The following MID1 variants were observed in gnomAD, a reference collection of about 807,000 sequenced individuals.
MID1 encodes midline 1.
A neutral mutation model predicts 40.4 loss-of-function variants in MID1; 7 were observed. The observed-to-expected ratio is 0.17, with a 90% CI of 0.10 to 0.33. The LOEUF is 0.33. Ranked by LOEUF, MID1 falls within the 10% of genes least tolerant of loss-of-function variation. The pLI is 1.00. For synonymous variants in MID1, 229 were observed against 221.2 expected (o/e 1.04, Z -0.31); for missense variants, 367 against 558.5 (o/e 0.66, Z 3.46).
At chrX:10,517,594 T>G (rs960415224) in intron 3 of MID1, among the ~76,000 whole-genome samples, 3 of 112,668 alleles carry the variant, frequency 2.7e-5, no homozygotes, top group Non-Finnish European at 5.6e-5. Flanking sequence ...CAAATTCAGA[T>G]GCAACACGAA....
chrX:10,576,902 G>C (rs192116104), intron 1 of MID1: 1 of 108,395 alleles, frequency 9.2e-6, no homozygotes, highest in South Asian at 4.2e-4. Context: ...GTGCTGGAGC[G>C]GTCCTGTGTG....
intron 1 of MID1, among the ~76,000 whole-genome samples, chrX:10,738,119 A>G (rs1357874560): frequency 1.8e-5 from 2 of 111,717 alleles, no homozygotes; most frequent in African/African-American, 6.5e-5. Flanking sequence ...TCAGACAGTT[A>G]GCGGTCATCC....
At chrX:10,672,379 G>A (rs1354456506) in intron 1 of MID1, among the ~76,000 whole-genome samples, 2 of 111,741 alleles carry the variant, frequency 1.8e-5, no homozygotes, top group East Asian at 5.6e-4. Context: ...CACATCCTTC[G>A]ACATCCTTCA....
At chrX:10,579,292 G>A (rs1284951886) in intron 1 of MID1, among the ~76,000 whole-genome samples, 1 of 111,856 alleles carries the variant, frequency 8.9e-6, no homozygotes, top group Non-Finnish European at 1.9e-5. Flanking sequence ...ATTGTGCCCT[G>A]GAGAAAAGCT....
intron 1 of MID1, among the ~76,000 whole-genome samples, chrX:10,684,583 T>C (rs1403832714): frequency 9.3e-6 from 1 of 107,092 alleles, no homozygotes; most frequent in South Asian, 4.2e-4. Flanking sequence ...TTTTTTTGTA[T>C]TTTTTTTAGT....
At position 10,561,429 on chromosome X, in the gene MID1, A is replaced by G. The variant is rs747895151; in HGVS notation, c.660+5459T>C. Among the ~76,000 whole-genome samples, 102 of 106,715 alleles carry G rather than the reference A, an allele frequency of 9.6e-4. 15 individuals are homozygous for G. The highest frequency in any genetic ancestry group is 3.5e-3 in the African/African-American group (93 of 26,670). The allele number at this position is 106,715 out of a possible 115,157, so 92.7% of individuals were successfully genotyped here. On this transcript the variant is annotated intron_variant, in intron 2 of 9. Transcript: ENST00000317552. ...AAGAAACTACCATCAGAGTGAACAG[A>G]CAACCTACAGAATGGGAGAAAAATT...
intron 1 of MID1, among the ~76,000 whole-genome samples, chrX:10,780,601 G>C (rs1443561303): frequency 8.9e-6 from 1 of 112,047 alleles, no homozygotes; most frequent in Non-Finnish European, 1.9e-5. Context: ...TTTCAGCCAG[G>C]AGTATATTTT....
At chrX:10,773,540 C>T (rs1449536120) in intron 1 of MID1, among the ~76,000 whole-genome samples, 1 of 112,610 alleles carries the variant, frequency 8.9e-6, no homozygotes, top group Non-Finnish European at 1.9e-5. Flanking sequence ...ACATATTTTT[C>T]ACTAGAACTG....
intron 1 of MID1, among the ~76,000 whole-genome samples, chrX:10,617,826 CCG>C: frequency 8.9e-6 from 1 of 112,183 alleles, no homozygotes; most frequent in Middle Eastern, 4.6e-3. Context: ...TAAAAGTTTC[CCG>C]TTTATGATCA....
At chrX:10,763,500 C>A (rs1247228748) in intron 1 of MID1, among the ~76,000 whole-genome samples, 52 of 111,400 alleles carry the variant, frequency 4.7e-4, no homozygotes, top group African/African-American at 1.7e-3. Context: ...TGAACTCATC[C>A]TTTCTTATGG....
chrX:10,565,231 T>C (rs1052988143), intron 2 of MID1: 6 of 329,573 alleles, frequency 1.8e-5, no homozygotes, highest in African/African-American at 1.6e-4. Context: ...TTCCTCTACA[T>C]GGTTTAAAGA....
chrX:10,568,505 T>C (rs747318152), intron 1 of MID1, among the ~76,000 whole-genome samples: 2 of 111,344 alleles, frequency 1.8e-5, no homozygotes, highest in East Asian at 5.7e-4. Flanking sequence ...GAGAAAGCAA[T>C]TTAAGGAGGC....
intron 1 of MID1, among the ~76,000 whole-genome samples, chrX:10,817,050 C>T (rs1343891509): frequency 2.7e-5 from 3 of 112,005 alleles, no homozygotes; most frequent in Non-Finnish European, 5.6e-5. Context: ...TGATGTTGAA[C>T]TTTTAGGTGT....
At chrX:10,778,029 C>T (rs532853136) in intron 1 of MID1, among the ~76,000 whole-genome samples, 152 of 111,469 alleles carry the variant, frequency 1.4e-3, no homozygotes, top group African/African-American at 4.9e-3. Context: ...GGCTGTTTTA[C>T]AGTTAACTTT....
chrX:10,708,620 C>T (rs1014771973), intron 1 of MID1, among the ~76,000 whole-genome samples: 5 of 111,541 alleles, frequency 4.5e-5, no homozygotes, highest in African/African-American at 1.6e-4. Flanking sequence ...AACAGAAATT[C>T]CTGGGAGAAA....
At chrX:10,615,282 A>G (rs1438394823) in intron 1 of MID1, among the ~76,000 whole-genome samples, 2 of 112,265 alleles carry the variant, frequency 1.8e-5, no homozygotes, top group East Asian at 5.6e-4. Context: ...CTTTGAGGGC[A>G]GGGGCCTTAC....
chrX:10,573,534 G>A (rs1400718273), intron 1 of MID1, among the ~76,000 whole-genome samples: 3 of 112,023 alleles, frequency 2.7e-5, no homozygotes, highest in Non-Finnish European at 5.6e-5. Flanking sequence ...TCTCCCACTA[G>A]GCCCCTCCTC....
Position 10,469,766 on chromosome X carries a change from C to T in MID1, c.1216G>A (p.Asp406Asn). ...TAGGAGACCACGCTGAACTCATCAT[C>T]GGAGGTCCAATGCACAGTGATGGTG... ...YDTITVHWTSDDEFSVVSYEL... is the reference protein window; with the variant it reads ...YDTITVHWTSNDEFSVVSYEL... Residue 406 changes from aspartate (D) to asparagine (N), a missense_variant, in exon 7 of 10, where the codon GAT becomes AAT. Coordinates refer to ENST00000317552, the MANE Select transcript of MID1 (RefSeq NM_000381.4). 3 of 1,210,381 alleles carry T rather than the reference C, an allele frequency of 2.5e-6. No individual in the cohort carries two copies. Among genetic ancestry groups the T allele is most frequent in the Non-Finnish European group, 3.4e-6 (3 of 894,482 alleles).
intron 1 of MID1, among the ~76,000 whole-genome samples, chrX:10,584,351 C>T (rs1301620276): frequency 1.8e-5 from 2 of 112,073 alleles, no homozygotes; most frequent in African/African-American, 6.5e-5. Context: ...TTTGATTCTA[C>T]GATGTTAACT....
Sources: gnomAD v4.1 joint callset for allele counts (sites outside exome capture counted in the v4.1 genomes callset) on GRCh38, gnomAD v4.1.1 for gene constraint, MANE v1.5 for transcripts, NCBI Gene and HGNC (gene_info 2026-07-23, HGNC 2026-07-21) for gene names.